ZNF599: variants seen among roughly 807,000 people sequenced by gnomAD.
ZNF599 encodes the protein zinc finger protein 599.
ZNF599 carries 10 observed loss-of-function variants against 11.7 expected under a neutral mutation model. The ratio of observed to expected loss-of-function variants is 0.86; its 90% CI spans 0.53 to 1.45. The LOEUF is 1.45. Ranked by LOEUF, ZNF599 falls within the 40% of genes most tolerant of loss-of-function variation. ZNF599 has a pLI of 0.00. For missense variants in ZNF599, 688 were observed against 713.6 expected, an observed-to-expected ratio of 0.96 and a Z score of 0.41; for synonymous variants, 232 against 253.2, an observed-to-expected ratio of 0.92 and a Z score of 0.79.
At chr19:34,789,897 T>TGG in the ZNF599 span, among the ~76,000 whole-genome samples, 1 of 152,178 alleles carries the variant, frequency 6.6e-6, no homozygotes. Flanking sequence ...GCTTGTACTT[T>TGG]GGGGGTCATA....
chr19:34,788,596 A>G, the ZNF599 span: 1 of 152,250 alleles, frequency 6.6e-6, no homozygotes, highest in Non-Finnish European at 1.5e-5. Flanking sequence ...AGAAAATTCT[A>G]TTTAAGGATG....
At chr19:34,772,618 C>A (rs2069190433) in intron 1 of ZNF599, 1 of 1,365,732 alleles carries the variant, frequency 7.3e-7, no homozygotes, top group South Asian at 1.7e-5. Flanking sequence ...AGACAGGGAC[C>A]TCTCCTTACA....
the ZNF599 span, among the ~76,000 whole-genome samples, chr19:34,788,375 A>G: frequency 1.3e-5 from 2 of 152,190 alleles, no homozygotes; most frequent in Non-Finnish European, 2.9e-5. Context: ...TCAAAATGGT[A>G]AGATATTTGT....
chr19:34,760,210 G>T lies in ZNF599; in HGVS notation c.591C>A (p.Asn197Lys). Reference sequence around the variant, plus strand: ...TCCCACATTCCGTGCATGTGTAAGGGTTATTCCTTGCATCAGTCATGGGGT... The same window carrying T: ...TCCCACATTCCGTGCATGTGTAAGGTTTATTCCTTGCATCAGTCATGGGGT... Reference protein sequence around the residue: ...GKDPMTDARNNPYTCTECGKG... With the variant: ...GKDPMTDARNKPYTCTECGKG... The change falls in exon 4 of 4, where the codon AAC (asparagine) becomes AAA (lysine). Residue 197 changes from asparagine to lysine, a missense_variant. Transcript: ENST00000329285. The T allele has an allele frequency of 6.2e-7, 1 of 1,614,150 alleles. No homozygotes were observed. The highest frequency in any genetic ancestry group is 1.3e-5 in the African/African-American group (1 of 75,022).
the ZNF599 span, among the ~76,000 whole-genome samples, chr19:34,796,115 C>T: frequency 6.6e-6 from 1 of 152,198 alleles, no homozygotes; most frequent in African/African-American, 2.4e-5. Context: ...GCCACCACAC[C>T]TGGCAATCTG....
the ZNF599 span, among the ~76,000 whole-genome samples, chr19:34,780,679 G>A: frequency 7.2e-6 from 1 of 139,044 alleles, no homozygotes; most frequent in African/African-American, 2.7e-5. Flanking sequence ...GAAGGAAGGG[G>A]GAGGGAGGAA....
In ZNF599 at chr19:34,769,531, C is replaced by G. The variant is rs148823885; in HGVS notation, c.43G>C (p.Val15Leu). The change falls in exon 2 of 4, where the codon GTT becomes CTT. Residue 15 changes from valine (V) to leucine (L), a missense_variant. Transcript: ENST00000329285. ...CATTCCTCTCCAGTGAAGGTCACAA[C>G]CACGTCTTCAAATGATACTAATGCC... ...ALALVSFEDV[V>L]VTFTGEEWGH... The G allele has an allele frequency of 1.2e-6, 2 of 1,613,978 alleles. No homozygotes were observed. The highest frequency in any genetic ancestry group is 2.7e-5 in the African/African-American group (2 of 74,928).
At chr19:34,800,497 T>C in the ZNF599 span, among the ~76,000 whole-genome samples, 1 of 152,152 alleles carries the variant, frequency 6.6e-6, no homozygotes, top group Admixed American at 6.5e-5. Context: ...GCTCATTGAT[T>C]CTTTTTTCCA....
chr19:34,760,063 C>T lies in ZNF599; in HGVS notation c.738G>A (p.Met246Ile), dbSNP rs370191399. The change falls in exon 4 of 4, where the codon ATG becomes ATA. Residue 246 changes from methionine (M) to isoleucine (I), a missense_variant. By Grantham distance (10) the Met-to-Ile change is conservative. Transcript: ENST00000329285. Reference protein sequence around the residue: ...CRYMADVIRHMRLHTGEKPYK... With the variant: ...CRYMADVIRHIRLHTGEKPYK... Reference sequence around the variant, plus strand: ...ATGGTTTTTCCCCAGTATGAAGCCTCATATGTCGAATGACATCAGCCATAT... The same window carrying T: ...ATGGTTTTTCCCCAGTATGAAGCCTTATATGTCGAATGACATCAGCCATAT... 2.5e-6 allele frequency: 4 copies of T among 1,614,052 alleles called. No homozygotes were observed. Among genetic ancestry groups the T allele is most frequent in the Non-Finnish European group, 2.5e-6 (3 of 1,179,996 alleles).
chr19:34,801,717 CTGTTG>C, the ZNF599 span, among the ~76,000 whole-genome samples: 1 of 152,198 alleles, frequency 6.6e-6, no homozygotes, highest in Non-Finnish European at 1.5e-5. Flanking sequence ...ATGGCTTTTC[CTGTTG>C]TAAGTGGCCT....
upstream of ZNF599, among the ~76,000 whole-genome samples, chr19:34,777,762 A>G (rs971885273): frequency 6.6e-6 from 1 of 151,256 alleles, no homozygotes; most frequent in African/African-American, 2.4e-5. Context: ...TATATGAGGT[A>G]TCAAAAAAAG....
At chr19:34,793,912 C>T in the ZNF599 span, among the ~76,000 whole-genome samples, 3 of 152,058 alleles carry the variant, frequency 2.0e-5, no homozygotes, top group South Asian at 4.2e-4. Flanking sequence ...TTTTTAAAAT[C>T]GTATGTATTA....
chr19:34,791,528 G>A, the ZNF599 span, among the ~76,000 whole-genome samples: 11 of 152,312 alleles, frequency 7.2e-5, no homozygotes, highest in Non-Finnish European at 1.6e-4. Flanking sequence ...CATTAACTTA[G>A]CCAGCTTTTA....
the ZNF599 span, chr19:34,779,811 G>A: frequency 2.1e-5 from 4 of 190,654 alleles, no homozygotes; most frequent in East Asian, 6.7e-4. Flanking sequence ...TCCCCAGTGT[G>A]GACTCTCTGT....
rs2069196579 is a variant in ZNF599 at position 34,773,104 on chromosome 19, A to G, written c.-263T>C. On this transcript the variant is annotated 5_prime_UTR_variant, in exon 1 of 4. Coordinates refer to ENST00000329285, the MANE Select transcript of ZNF599 (RefSeq NM_001007248.3). ...CGTGTAAGTGGGTCCTATCCTCCTC[A>G]CTGTCCGTCTCTACTCGGTCTCGAA... 4 of 451,956 alleles carry G rather than the reference A, an allele frequency of 8.9e-6. No individual in the cohort carries two copies. The highest frequency in any genetic ancestry group is 1.6e-5 in the Non-Finnish European group (4 of 257,240). 28.0% of individuals were successfully genotyped at this position (451,956 alleles called of 1,614,324 possible).
chr19:34,788,620 C>G, the ZNF599 span: 1 of 151,846 alleles, frequency 6.6e-6, no homozygotes, highest in South Asian at 2.1e-4. Context: ...AAAAGTGATA[C>G]CAGGTGAAAG....
chr19:34,780,405 A>G, the ZNF599 span, among the ~76,000 whole-genome samples: 1 of 152,042 alleles, frequency 6.6e-6, no homozygotes, highest in African/African-American at 2.4e-5. Flanking sequence ...GCTACTTGGG[A>G]GGCTGAGGTG....
chr19:34,792,474 T>C, the ZNF599 span, among the ~76,000 whole-genome samples: 3 of 152,188 alleles, frequency 2.0e-5, no homozygotes, highest in East Asian at 1.9e-4. Flanking sequence ...GGAGTTCTGC[T>C]ATTTTGGAGC....
the ZNF599 span, among the ~76,000 whole-genome samples, chr19:34,789,676 G>T: frequency 3.1e-4 from 47 of 152,168 alleles, no homozygotes; most frequent in South Asian, 8.3e-3. Context: ...GTCTATTCAG[G>T]TCCTTCCCAC....
Sources: gnomAD v4.1 joint callset for allele counts (sites outside exome capture counted in the v4.1 genomes callset) on GRCh38, gnomAD v4.1.1 for gene constraint, MANE v1.5 for transcripts, NCBI Gene and HGNC (gene_info 2026-07-23, HGNC 2026-07-21) for gene names.